Variants in SLC44A5 observed in about 807,000 individuals in gnomAD.
SLC44A5 encodes the protein solute carrier family 44 member 5.
SLC44A5 carries 57 observed loss-of-function variants against 101.8 expected under a neutral mutation model. The ratio of observed to expected loss-of-function variants is 0.56; its 90% CI spans 0.45 to 0.70. The LOEUF is 0.70. Ranked by LOEUF, SLC44A5 falls within the 30% of genes least tolerant of loss-of-function variation. The probability of loss-of-function intolerance (pLI) is 0.00; values close to 1 mark genes in which losing one functional copy is unlikely to be tolerated. For missense variants in SLC44A5, 737 were observed against 853.1 expected (o/e 0.86, Z 1.70); for synonymous variants, 281 against 290.9 (o/e 0.97, Z 0.35).
the SLC44A5 span, among the ~76,000 whole-genome samples, chr1:75,685,127 C>T: frequency 6.6e-6 from 1 of 152,210 alleles, no homozygotes; most frequent in African/African-American, 2.4e-5. Context: ...TAAGCTGTAC[C>T]TTGGCCCCTT....
chr1:75,702,166 T>A, the SLC44A5 span, among the ~76,000 whole-genome samples: 2 of 152,086 alleles, frequency 1.3e-5, no homozygotes, highest in Non-Finnish European at 2.9e-5. Flanking sequence ...TACTTTAAAG[T>A]TCATATGGAA....
At chr1:75,464,800 G>GGAGTCTGTATAAAGGACTCTGT (rs1451628642) in intron 2 of SLC44A5, among the ~76,000 whole-genome samples, 6 of 152,262 alleles carry the variant, frequency 3.9e-5, no homozygotes, top group African/African-American at 1.4e-4. Context: ...TCTGTATAAT[G>GGAGTCTGTATAAAGGACTCTGT]ATAAAGGAGT....
intron 5 of SLC44A5, 102 bp from the exon 6 acceptor site, chr1:75,275,144 C>T (rs116119699): frequency 0.01 from 7,361 of 730,334 alleles, 52 homozygotes; most frequent in Non-Finnish European, 0.013. Flanking sequence ...CTAACCTCTC[C>T]CCTCAGTCAC....
At chr1:75,685,367 C>T in the SLC44A5 span, among the ~76,000 whole-genome samples, 1 of 152,328 alleles carries the variant, frequency 6.6e-6, no homozygotes, top group South Asian at 2.1e-4. Flanking sequence ...TTGAATTTCT[C>T]CTCAGAAAAT....
At chr1:75,234,556 T>C (rs1570430390) in intron 11 of SLC44A5, among the ~76,000 whole-genome samples, 1 of 152,042 alleles carries the variant, frequency 6.6e-6, no homozygotes, top group African/African-American at 2.4e-5. Flanking sequence ...AAGAGAATCA[T>C]TTTGGGGCAG....
chr1:75,291,536 T>A (rs897316936), intron 5 of SLC44A5, among the ~76,000 whole-genome samples: 5 of 152,136 alleles, frequency 3.3e-5, no homozygotes, highest in Non-Finnish European at 5.9e-5. Context: ...CAGAGGCAGA[T>A]GATCACATGA....
intron 4 of SLC44A5, among the ~76,000 whole-genome samples, chr1:75,330,994 A>G (rs1657012694): frequency 6.7e-6 from 1 of 149,022 alleles, no homozygotes; most frequent in Non-Finnish European, 1.5e-5. Flanking sequence ...GGCTTCTACA[A>G]CATCTGATTC....
chr1:75,618,538 TAAC>T, the SLC44A5 span, among the ~76,000 whole-genome samples: 1 of 152,180 alleles, frequency 6.6e-6, no homozygotes, highest in South Asian at 2.1e-4. Flanking sequence ...ATGCATTGCT[TAAC>T]AACAGAAATA....
At chr1:75,376,588 A>T (rs543005285) in intron 3 of SLC44A5, among the ~76,000 whole-genome samples, 88 of 152,172 alleles carry the variant, frequency 5.8e-4, no homozygotes, top group Middle Eastern at 6.8e-3. Flanking sequence ...CTCACACGGC[A>T]GGGTACTCCA....
chr1:75,505,737 T>C (rs927612829), intron 2 of SLC44A5, among the ~76,000 whole-genome samples: 1 of 152,314 alleles, frequency 6.6e-6, no homozygotes, highest in Non-Finnish European at 1.5e-5. Flanking sequence ...AAGATACTTT[T>C]GGATTTCAGA....
At chr1:75,648,097 G>A in the SLC44A5 span, among the ~76,000 whole-genome samples, 1 of 152,168 alleles carries the variant, frequency 6.6e-6, no homozygotes, top group Non-Finnish European at 1.5e-5. Flanking sequence ...TGTTGGGGAA[G>A]GGATCACATG....
At chr1:75,227,596 G>A (rs1426912640) in intron 13 of SLC44A5, 130 bp downstream of exon 13, 6 of 634,072 alleles carry the variant, frequency 9.5e-6, no homozygotes, top group Non-Finnish European at 1.2e-5. Context: ...GAGGATTATA[G>A]ACACATTACT....
chr1:75,385,053 A>C (rs2101285521), intron 3 of SLC44A5, among the ~76,000 whole-genome samples: 1 of 152,340 alleles, frequency 6.6e-6, no homozygotes, highest in South Asian at 2.1e-4. Context: ...GACACATTCA[A>C]AGCAGCGTGT....
chr1:75,356,234 A>G (rs913583140), intron 3 of SLC44A5, among the ~76,000 whole-genome samples: 18 of 141,502 alleles, frequency 1.3e-4, no homozygotes, highest in African/African-American at 4.6e-4. Flanking sequence ...AAAAAAAAAG[A>G]GATATTCTAG....
At chr1:75,533,171 C>G (rs559771859) in intron 2 of SLC44A5, among the ~76,000 whole-genome samples, 1 of 152,106 alleles carries the variant, frequency 6.6e-6, no homozygotes, top group Non-Finnish European at 1.5e-5. Flanking sequence ...GATTCTGGCT[C>G]TATAGCTCTC....
chr1:75,582,247 GA>G (rs770526751), intron 1 of SLC44A5: 120 of 1,471,448 alleles, frequency 8.2e-5, no homozygotes, highest in Non-Finnish European at 1.1e-4. Flanking sequence ...AGCACAACAA[GA>G]AGGGCCTAAA....
At chr1:75,318,010 C>T (rs537740349) in intron 4 of SLC44A5, among the ~76,000 whole-genome samples, 2 of 152,120 alleles carry the variant, frequency 1.3e-5, no homozygotes, top group Non-Finnish European at 2.9e-5. Flanking sequence ...AACCTACTCT[C>T]ATTTGGGTGT....
intron 5 of SLC44A5, among the ~76,000 whole-genome samples, chr1:75,280,327 T>G (rs373363019): frequency 8.1e-5 from 8 of 98,976 alleles, no homozygotes; most frequent in Middle Eastern, 5.3e-3. Context: ...TTGTATATAT[T>G]ATATATTGTA....
intron 2 of SLC44A5, among the ~76,000 whole-genome samples, chr1:75,460,681 A>ATTT (rs2101691877): frequency 6.6e-6 from 1 of 152,316 alleles, no homozygotes; most frequent in Non-Finnish European, 1.5e-5. Flanking sequence ...CAAGATTCCA[A>ATTT]TAAAAGGGAT....
Sources: gnomAD v4.1 joint callset for allele counts (sites outside exome capture counted in the v4.1 genomes callset) on GRCh38, gnomAD v4.1.1 for gene constraint, MANE v1.5 for transcripts, NCBI Gene and HGNC (gene_info 2026-07-23, HGNC 2026-07-21) for gene names.